The following CDH11 variants were observed in gnomAD, a reference collection of about 807,000 sequenced individuals.
CDH11 encodes the protein cadherin 11.
CDH11 carries 11 observed loss-of-function variants against 67.8 expected under a neutral mutation model. The observed-to-expected ratio is 0.16, with a 90% CI of 0.10 to 0.27. CDH11 has a LOEUF of 0.27. Among genes scored for constraint, CDH11 ranks in the 10% least tolerant of loss-of-function variants. The pLI, the probability that CDH11 is intolerant of heterozygous loss-of-function variation, is 1.00. For missense variants in CDH11, 847 were observed against 1,031.2 expected (o/e 0.82, Z 2.45); for synonymous variants, 419 against 400.0 (o/e 1.05, Z -0.57).
At chr16:65,093,809 G>A (rs2074836210) in intron 1 of CDH11, among the ~76,000 whole-genome samples, 1 of 152,042 alleles carries the variant, frequency 6.6e-6, no homozygotes, top group South Asian at 2.1e-4. Context: ...GTACTATAAT[G>A]CACACATTAA....
chr16:65,018,879 A>T (rs74505623), intron 2 of CDH11, among the ~76,000 whole-genome samples: 2,259 of 152,288 alleles, frequency 0.015, 56 homozygotes, highest in African/African-American at 0.052. Flanking sequence ...GATGAAAGCA[A>T]CACACCATTG....
At chr16:64,950,685 C>A (rs971612760) in intron 12 of CDH11, 82 bp downstream of exon 12, 1 of 1,514,574 alleles carries the variant, frequency 6.6e-7, no homozygotes, top group African/African-American at 1.4e-5. Flanking sequence ...TGGTTACCAG[C>A]CTGTATTTGA....
chr16:65,081,229 T>C (rs762839148), intron 1 of CDH11, among the ~76,000 whole-genome samples: 4 of 152,278 alleles, frequency 2.6e-5, no homozygotes, highest in Admixed American at 2.0e-4. Flanking sequence ...AGATAAGCCA[T>C]TCAGTGCAAT....
chr16:65,044,042 G>T (rs1217805622), intron 2 of CDH11, among the ~76,000 whole-genome samples: 1 of 152,134 alleles, frequency 6.6e-6, no homozygotes, highest in Non-Finnish European at 1.5e-5. Context: ...GCAGAAAAAG[G>T]GAGGAGAGGA....
chr16:65,037,338 A>G (rs1274267667), intron 2 of CDH11, among the ~76,000 whole-genome samples: 2 of 152,300 alleles, frequency 1.3e-5, no homozygotes, highest in Admixed American at 6.5e-5. Context: ...ATGGCACTCC[A>G]GCACATGTTG....
intron 11 of CDH11, among the ~76,000 whole-genome samples, chr16:64,957,774 A>T (rs2071558715): frequency 6.6e-6 from 1 of 152,118 alleles, no homozygotes; most frequent in South Asian, 2.1e-4. Flanking sequence ...ACAACTACAA[A>T]AGGCATCATT....
At chr16:65,029,556 T>C (rs938479916) in intron 2 of CDH11, among the ~76,000 whole-genome samples, 10 of 152,232 alleles carry the variant, frequency 6.6e-5, no homozygotes, top group Admixed American at 6.5e-4. Flanking sequence ...AAGAAAAGCA[T>C]GATGAGGAGG....
At chr16:65,014,017 T>C (rs1262669117) in intron 2 of CDH11, among the ~76,000 whole-genome samples, 1 of 152,162 alleles carries the variant, frequency 6.6e-6, no homozygotes, top group East Asian at 1.9e-4. Context: ...CATGGCCTGG[T>C]CCACAGCAGG....
chr16:65,120,978 C>T (rs1417936841), intron 1 of CDH11, among the ~76,000 whole-genome samples: 1 of 152,224 alleles, frequency 6.6e-6, no homozygotes, highest in Non-Finnish European at 1.5e-5. Context: ...CTTCCCACCT[C>T]CCGGCTCGCG....
chr16:65,032,547 A>G (rs1199637845), intron 2 of CDH11, among the ~76,000 whole-genome samples: 5 of 152,046 alleles, frequency 3.3e-5, no homozygotes, highest in African/African-American at 1.2e-4. Context: ...CATCAAACAA[A>G]ATGATGTAAC....
chr16:65,077,694 T>C (rs2074537842), intron 1 of CDH11, among the ~76,000 whole-genome samples: 1 of 152,216 alleles, frequency 6.6e-6, no homozygotes, highest in Non-Finnish European at 1.5e-5. Context: ...GGGAAATCCT[T>C]TTAAATTAAA....
rs189933050 is a variant in CDH11 at position 65,120,576 on chromosome 16, G to A, written c.-298+1304C>T. 2.0e-4 allele frequency among the ~76,000 whole-genome samples: 30 copies of A among 152,228 alleles called. No homozygotes were observed. In the East Asian group the frequency reaches 5.4e-3, roughly 27 times the overall value. On this transcript the variant is annotated intron_variant, in intron 1 of 12. Coordinates refer to ENST00000268603, the MANE Select transcript of CDH11 (RefSeq NM_001797.4). ...TGAAATCTATACCCTCATACAGCCG[G>A]GTTTCAAGAACAACCCCCCACTCCC... is the stretch of plus-strand genomic sequence containing the variant.
intron 8 of CDH11, among the ~76,000 whole-genome samples, chr16:64,978,937 AC>A (rs1172987968): frequency 3.3e-5 from 5 of 152,200 alleles, no homozygotes; most frequent in Admixed American, 2.6e-4. Flanking sequence ...CAAAATTAAA[AC>A]TTTTATGCCT....
chr16:65,112,216 C>T lies in CDH11; in HGVS notation c.-298+9664G>A, dbSNP rs987985157. On this transcript the variant is annotated intron_variant, in intron 1 of 12. Transcript: ENST00000268603. ...GAAGCATTTCCAACAGTGAAGGTTC[C>T]CAATGTCTCAATGGTTTGCATAAGT... Among the ~76,000 whole-genome samples the T allele has an allele frequency of 2.6e-4, 40 of 152,160 alleles. No individual in the cohort carries two copies. In the South Asian group the frequency reaches 3.9e-3, roughly 15 times the overall value.
chr16:65,091,872 T>C (rs1190305955), intron 1 of CDH11, among the ~76,000 whole-genome samples: 1 of 152,084 alleles, frequency 6.6e-6, no homozygotes, highest in African/African-American at 2.4e-5. Context: ...AGGCACAGAG[T>C]AGGTGCTCAA....
chr16:64,992,471 G>A (rs1458438652), intron 5 of CDH11, among the ~76,000 whole-genome samples: 1 of 152,192 alleles, frequency 6.6e-6, no homozygotes, highest in African/African-American at 2.4e-5. Flanking sequence ...CACCTGTCAC[G>A]GAAAACAATG....
chr16:64,948,484 C>T, intron 12 of CDH11: 1 of 853,274 alleles, frequency 1.2e-6, no homozygotes, highest in South Asian at 1.5e-5. Flanking sequence ...GCTGTTTTTC[C>T]AAGGTTTAAA....
chr16:65,062,612 C>A (rs537554090), intron 1 of CDH11, among the ~76,000 whole-genome samples: 1 of 152,134 alleles, frequency 6.6e-6, no homozygotes, highest in South Asian at 2.1e-4. Flanking sequence ...GAAAAAAATG[C>A]CATTTTGTTA....
chr16:65,032,831 A>C (rs1016610592), intron 2 of CDH11, among the ~76,000 whole-genome samples: 1 of 152,208 alleles, frequency 6.6e-6, no homozygotes, highest in Non-Finnish European at 1.5e-5. Context: ...GAGATGAGAA[A>C]TATCAAGTTT....
Sources: gnomAD v4.1 joint callset for allele counts (sites outside exome capture counted in the v4.1 genomes callset) on GRCh38, gnomAD v4.1.1 for gene constraint, MANE v1.5 for transcripts, NCBI Gene and HGNC (gene_info 2026-07-23, HGNC 2026-07-21) for gene names.